Variants in OVOL1 observed in about 807,000 individuals in gnomAD.
The protein encoded by OVOL1 is ovo like transcriptional repressor 1.
A neutral mutation model predicts 21.5 loss-of-function variants in OVOL1; 10 were observed. That is an observed-to-expected ratio of 0.46 (90% CI 0.29 to 0.79). The LOEUF (loss-of-function observed/expected upper bound fraction) is 0.79. OVOL1 is among the 30% of genes least tolerant of loss of function. The pLI is 0.10. For synonymous variants in OVOL1, 129 were observed against 150.3 expected, an observed-to-expected ratio of 0.86 and a Z score of 1.03; for missense variants, 279 against 362.3, an observed-to-expected ratio of 0.77 and a Z score of 1.87.
rs1485169167 is a variant in OVOL1, at chr11:65,794,090, C to A, written c.160C>A (p.Pro54Thr). The change falls in exon 2 of 4, where the codon CCC becomes ACC. Residue 54 changes from proline to threonine, a missense_variant. Pro to Thr is a conservative substitution (Grantham distance 38). Transcript: ENST00000335987. ...GGAGCCGGAACCCTCTGTGGCCGAA[C>A]CCCCTTCCTGCCCGCTGGCTTTGAA... ...YREPEPSVAE[P>T]PSCPLALNMS... 1 of 1,614,052 alleles carries A rather than the reference C, an allele frequency of 6.2e-7. No individual in the cohort carries two copies. The highest frequency in any genetic ancestry group is 1.7e-5 in the Admixed American group (1 of 60,032).
rs780853517 is a variant in OVOL1, at chr11:65,795,166, C to T, written c.629C>T (p.Ala210Val). Residue 210 changes from alanine to valine, a missense_variant, in exon 4 of 4, where the codon GCC becomes GTC. Physicochemically the swap from Ala to Val is moderately conservative, Grantham distance 64. Transcript: ENST00000335987. The surrounding 1 kb of genome is among the most constrained non-coding windows in gnomAD (Gnocchi z 5.7). ...AAGTACGCGTACAAGGAGCGGCGGG[C>T]CAAGCTGTACGTGTGTGAGGAGTGC... ...QQKYAYKERR[A>V]KLYVCEECGC... The T allele has an allele frequency of 1.9e-6, 3 of 1,612,152 alleles. No homozygotes were observed. The highest frequency in any genetic ancestry group is 2.5e-6 in the Non-Finnish European group (3 of 1,179,816).
At chr11:65,794,283 G>T (rs367687635) in intron 2 of OVOL1, 35 bp downstream of exon 2, 10 of 1,563,426 alleles carry the variant, frequency 6.4e-6, no homozygotes, top group Admixed American at 1.7e-5. Context: ...AGGGCCGGGG[G>T]CGTGCATGTA....
At position 65,795,994 on chromosome 11, in the gene OVOL1, A is replaced by G. The variant is rs555407627; in HGVS notation, c.*653A>G. On this transcript the variant is annotated 3_prime_UTR_variant, in exon 4 of 4. Transcript: ENST00000335987. This position sits in a 1 kb window ranked among gnomAD's most constrained non-coding sequence, Gnocchi z 5.7. ...CCACATATCACCTCATTTCTAAGAA[A>G]TAAACTACAAGGTGCCAAGAAGGTT... The G allele has an allele frequency of 6.5e-6, 1 of 153,012 alleles. No individual in the cohort carries two copies. The highest frequency in any genetic ancestry group is 1.5e-5 in the Non-Finnish European group (1 of 68,364). The allele number at this position is 153,012 out of a possible 1,614,324, so 9.5% of individuals were successfully genotyped here.
chr11:65,791,800 T>C (rs956472411), intron 1 of OVOL1, among the ~76,000 whole-genome samples: 4 of 152,168 alleles, frequency 2.6e-5, no homozygotes, highest in Non-Finnish European at 5.9e-5. Context: ...TGAGTAGTCA[T>C]AGCGCCACCG....
chr11:65,788,761 GAATGTGCCAGA>G, intron 1 of OVOL1: 1 of 985,478 alleles, frequency 1.0e-6, no homozygotes, highest in Non-Finnish European at 1.2e-6. Flanking sequence ...TAAAACAAGG[GAATGTGCCAGA>G]AGACCCTGGT....
Position 65,793,979 on chromosome 11 carries a change from G to T in OVOL1, c.101-52G>T, listed in dbSNP as rs1050954819. On this transcript the variant is annotated intron_variant, in intron 1 of 3. Transcript: ENST00000335987. ...TGGCTAGGGAAGTTTCCAGAAACCC[G>T]CTGGACCCTCTCTTCTCCACCAAGC... 9 of 1,489,972 alleles carry T rather than the reference G, an allele frequency of 6.0e-6. No individual in the cohort carries two copies. In the East Asian group the frequency reaches 1.4e-4, roughly 23 times the overall value. 92.3% of individuals were successfully genotyped at this position (1,489,972 alleles called of 1,614,324 possible).
chr11:65,789,609 G>C (rs764102017), intron 1 of OVOL1: 3 of 957,274 alleles, frequency 3.1e-6, no homozygotes, highest in Non-Finnish European at 3.7e-6. Context: ...GTGCTGGCCT[G>C]TCCCCTGGCT....
intron 1 of OVOL1, chr11:65,788,637 G>A: frequency 7.1e-6 from 7 of 985,464 alleles, no homozygotes; most frequent in Non-Finnish European, 8.4e-6. Context: ...GTTGGAGACA[G>A]TGTCCTGGTG....
At chr11:65,792,686 C>T (rs954002899) in intron 1 of OVOL1, among the ~76,000 whole-genome samples, 1 of 152,246 alleles carries the variant, frequency 6.6e-6, no homozygotes, top group Admixed American at 6.5e-5. Flanking sequence ...GACAGACGGA[C>T]GCCAGTGCCT....
chr11:65,793,293 G>T (rs568426552), intron 1 of OVOL1, among the ~76,000 whole-genome samples: 1 of 152,200 alleles, frequency 6.6e-6, no homozygotes, highest in Admixed American at 6.5e-5. Context: ...GCCAGGTATC[G>T]GTGCTGCCGC....
chr11:65,794,645 C>T lies in OVOL1; in HGVS notation c.426C>T (p.Asp142=), dbSNP rs1278257535. 3.1e-6 allele frequency: 5 copies of T among 1,613,794 alleles called. No homozygotes were observed. The highest frequency in any genetic ancestry group is 1.3e-5 in the African/African-American group (1 of 75,072). ...MLNRHMKCHN[D]VKRHLCTYCG... is the part of the protein sequence containing the mutation. Reference sequence around the variant, plus strand: ...ACCGCCACATGAAGTGTCACAACGACGTCAAGAGGCACCTCTGCACGTACT... The same window carrying T: ...ACCGCCACATGAAGTGTCACAACGATGTCAAGAGGCACCTCTGCACGTACT... The change falls in exon 3 of 4, where the codon GAC becomes GAT. Residue 142 remains aspartate, a synonymous_variant. Transcript: ENST00000335987.
chr11:65,792,878 G>A (rs748549066), intron 1 of OVOL1, among the ~76,000 whole-genome samples: 13 of 152,242 alleles, frequency 8.5e-5, no homozygotes, highest in East Asian at 1.9e-4. Flanking sequence ...AGGTGAGGGC[G>A]GCAGCCCTCC....
chr11:65,787,644 G>GGGGGGC (rs1253454011), intron 1 of OVOL1, among the ~76,000 whole-genome samples, 171 bp downstream of exon 1: 3 of 151,706 alleles, frequency 2.0e-5, no homozygotes, highest in Admixed American at 6.6e-5. Flanking sequence ...CCCGGGACTC[G>GGGGGGC]GGGGGCGGGG....
rs779910913 is a variant in OVOL1 at position 65,787,349 on chromosome 11, C to T, written c.-25C>T. On this transcript the variant is annotated 5_prime_UTR_variant, in exon 1 of 4. Transcript: ENST00000335987. Reference sequence around the variant, plus strand: ...CCCGGCTTCAGTTACGGAAGCGGCCCGTGTCCAGCGACGAGGGTTCGAAAA... The same window carrying T: ...CCCGGCTTCAGTTACGGAAGCGGCCTGTGTCCAGCGACGAGGGTTCGAAAA... The T allele has an allele frequency of 1.7e-5, 26 of 1,550,192 alleles. 1 individual carries two copies. The highest frequency in any genetic ancestry group is 2.2e-5 in the Non-Finnish European group (25 of 1,144,696).
chr11:65,794,195 C>T lies in OVOL1; in HGVS notation c.265C>T (p.His89Tyr), dbSNP rs375344180. 20 of 1,613,462 alleles carry T rather than the reference C, an allele frequency of 1.2e-5. No individual in the cohort carries two copies. The African/African-American group carries it at 2.7e-4, about 22-fold the overall frequency. Reference protein sequence around the residue: ...VAQLPSEDMGHLTDPQSRDHG... With the variant: ...VAQLPSEDMGYLTDPQSRDHG... ...CCAGCTGCCCTCTGAAGACATGGGC[C>T]ACTTGACAGACCCCCAGAGCAGAGA... The change falls in exon 2 of 4, where the codon CAC becomes TAC. Residue 89 changes from histidine to tyrosine, a missense_variant. His to Tyr is a moderately conservative substitution (Grantham distance 83, BLOSUM62 2). Coordinates refer to ENST00000335987, the MANE Select transcript of OVOL1 (RefSeq NM_004561.4).
intron 1 of OVOL1, among the ~76,000 whole-genome samples, chr11:65,787,761 G>A (rs1565228521): frequency 6.6e-6 from 1 of 152,174 alleles, no homozygotes; most frequent in Non-Finnish European, 1.5e-5. Flanking sequence ...CCCCTGAACC[G>A]CGGCACAGAG....
rs560367754 is a variant in OVOL1, at chr11:65,797,149, A to G, written c.*1808A>G. On this transcript the variant is annotated 3_prime_UTR_variant, in exon 4 of 4. Coordinates refer to ENST00000335987, the MANE Select transcript of OVOL1 (RefSeq NM_004561.4). ...GGTTGACTGCCAATCCGAGGCCGTCATGAAGCTCTGTGTTGTCTGTTTTAT... is the reference window on the plus strand; with the variant it reads ...GGTTGACTGCCAATCCGAGGCCGTCGTGAAGCTCTGTGTTGTCTGTTTTAT... 1 of 152,354 alleles carries G rather than the reference A, an allele frequency of 6.6e-6. No homozygotes were observed. Among genetic ancestry groups the G allele is most frequent in the East Asian group, 1.9e-4 (1 of 5,190 alleles). The allele number at this position is 152,354 out of a possible 1,614,324, so 9.4% of individuals were successfully genotyped here. A position where few individuals can be genotyped will look rare whatever the true frequency, so the allele number is the denominator to read the frequency against.
chr11:65,788,394 C>T, intron 1 of OVOL1: 1 of 961,454 alleles, frequency 1.0e-6, no homozygotes, highest in Non-Finnish European at 1.2e-6. Flanking sequence ...TGGAGAAAGC[C>T]TGCTTCCTTC....
Position 65,787,270 on chromosome 11 carries a change from C to T in OVOL1, c.-104C>T, listed in dbSNP as rs570109146. 5 of 942,928 alleles carry T rather than the reference C, an allele frequency of 5.3e-6. No individual in the cohort carries two copies. Among genetic ancestry groups the T allele is most frequent in the Non-Finnish European group, 8.1e-6 (5 of 619,024 alleles). The allele number at this position is 942,928 out of a possible 1,614,324, so 58.4% of individuals were successfully genotyped here. Reference sequence around the variant, plus strand: ...TGGGGGCGCCTTAGCGACTCCTTCCCTGTTGTGCCCCCGTTCCCGGCGTTC... The same window carrying T: ...TGGGGGCGCCTTAGCGACTCCTTCCTTGTTGTGCCCCCGTTCCCGGCGTTC... On this transcript the variant is annotated 5_prime_UTR_variant, in exon 1 of 4. Coordinates refer to ENST00000335987, the MANE Select transcript of OVOL1 (RefSeq NM_004561.4).
Sources: gnomAD v4.1 joint callset for allele counts (sites outside exome capture counted in the v4.1 genomes callset) on GRCh38, gnomAD v4.1.1 for gene constraint, Gnocchi (gnomAD v3.1) non-coding constraint, MANE v1.5 for transcripts, NCBI Gene and HGNC (gene_info 2026-07-23, HGNC 2026-07-21) for gene names.